Variants in CASZ1 observed in about 807,000 individuals in gnomAD.
CASZ1 encodes zinc finger protein castor homolog 1.
A neutral mutation model predicts 135.2 loss-of-function variants in CASZ1; 28 were observed. That is an observed-to-expected ratio of 0.21 (90% confidence interval 0.15 to 0.28). The LOEUF (loss-of-function observed/expected upper bound fraction) is 0.28, where lower values mean the gene tolerates loss of function less well. CASZ1 is among the 10% of genes least tolerant of loss of function. CASZ1 has a pLI of 1.00. For synonymous variants in CASZ1, 1,068 were observed against 1,073.4 expected (o/e 0.99, Z 0.10); for missense variants, 2,161 against 2,453.3 (o/e 0.88, Z 2.52).
intron 1 of CASZ1, among the ~76,000 whole-genome samples, chr1:10,791,352 A>G (rs1430976481): frequency 6.6e-6 from 1 of 152,250 alleles, no homozygotes; most frequent in East Asian, 1.9e-4. Context: ...CTAGACTGGG[A>G]AAAAGAAGGG....
At chr1:10,766,448 T>C (rs1376252474) in intron 1 of CASZ1, among the ~76,000 whole-genome samples, 1 of 152,202 alleles carries the variant, frequency 6.6e-6, no homozygotes, top group Non-Finnish European at 1.5e-5. Context: ...AATGGCTTCT[T>C]ACGTGTAACA....
At position 10,649,355 on chromosome 1, in the gene CASZ1, G is replaced by C. The variant is rs771262250; in HGVS notation, c.2963C>G (p.Pro988Arg). Residue 988 changes from proline to arginine, a missense_variant, in exon 14 of 21, where the codon CCC becomes CGC. Pro to Arg is a moderately radical substitution (Grantham distance 103). This residue lies in a region of CASZ1 where 406 missense variants were observed against 387.6 expected (regional missense o/e 1.05). Coordinates refer to ENST00000377022, the MANE Select transcript of CASZ1 (RefSeq NM_001079843.3). ...AEGSPAAEPS[P>R]FLGKAVKALV... ...CGCCTTCACGGCCTTGCCTAGGAAGGGCGAGGGCTCCGCAGCGGGGCTCCC... is the reference window on the plus strand; with the variant it reads ...CGCCTTCACGGCCTTGCCTAGGAAGCGCGAGGGCTCCGCAGCGGGGCTCCC... The C allele has an allele frequency of 6.2e-7, 1 of 1,602,832 alleles. No homozygotes were observed. Among genetic ancestry groups the C allele is most frequent in the East Asian group, 2.3e-5 (1 of 44,356 alleles).
chr1:10,638,141 C>A lies in CASZ1; in HGVS notation c.*801G>T, dbSNP rs916821540. 4 of 152,400 alleles carry A rather than the reference C, an allele frequency of 2.6e-5. No homozygotes were observed. The highest frequency in any genetic ancestry group is 2.0e-4 in the Admixed American group (3 of 15,290). The allele number at this position is 152,400 out of a possible 1,614,324, so 9.4% of individuals were successfully genotyped here. A position where few individuals can be genotyped will look rare whatever the true frequency, so the allele number is the denominator to read the frequency against. On this transcript the variant is annotated 3_prime_UTR_variant, in exon 21 of 21. Coordinates refer to ENST00000377022, the MANE Select transcript of CASZ1 (RefSeq NM_001079843.3). The surrounding 1 kb of genome is among the most constrained non-coding windows in gnomAD (Gnocchi z 5.9). ...TTTTTGTTCTATGTAGAATAATAACCTTTACAGGAAAAATACTGTACAACT... is the reference window on the plus strand; with the variant it reads ...TTTTTGTTCTATGTAGAATAATAACATTTACAGGAAAAATACTGTACAACT...
At chr1:10,793,883 C>A (rs1392785836) in intron 1 of CASZ1, among the ~76,000 whole-genome samples, 2 of 152,096 alleles carry the variant, frequency 1.3e-5, no homozygotes, top group African/African-American at 2.4e-5. Context: ...AGTGGGAAAG[C>A]GGCTGGGGGT....
intron 2 of CASZ1, among the ~76,000 whole-genome samples, chr1:10,752,822 G>A (rs1268916922): frequency 6.6e-6 from 1 of 152,222 alleles, no homozygotes; most frequent in Non-Finnish European, 1.5e-5. Context: ...GATCACCTGA[G>A]GTCAGGAGTT....
Position 10,640,077 on chromosome 1 carries a change from G to C in CASZ1, c.4163-18C>G. 1.3e-6 allele frequency: 2 copies of C among 1,595,502 alleles called. No individual in the cohort carries two copies. Among genetic ancestry groups the C allele is most frequent in the Non-Finnish European group, 8.5e-7 (1 of 1,174,668 alleles). On this transcript the variant is annotated intron_variant, in intron 20 of 20. Transcript: ENST00000377022. ...GGTGTTCCCTGGGGAGGGGCAGGGAGGTCAGTGCAGAAGAGGGACCCACGT... is the reference window on the plus strand; with the variant it reads ...GGTGTTCCCTGGGGAGGGGCAGGGACGTCAGTGCAGAAGAGGGACCCACGT...
At chr1:10,680,543 A>C (rs1447233598) in intron 4 of CASZ1, among the ~76,000 whole-genome samples, 2 of 152,170 alleles carry the variant, frequency 1.3e-5, no homozygotes, top group African/African-American at 4.8e-5. Context: ...CAGGGGGTGC[A>C]GTGTTGCACG....
In CASZ1 at chr1:10,724,442, A is replaced by AC. The variant is rs1639559289; in HGVS notation, c.-76-18899dup. Reference sequence around the variant, plus strand: ...AAAATAAGGTAACCTGAGCTATTAAACCCGGGGGCCAGGTGGTACCTACCA... The same window carrying AC: ...AAAATAAGGTAACCTGAGCTATTAAACCCCGGGGGCCAGGTGGTACCTACCA... On this transcript the variant is annotated intron_variant, in intron 2 of 20. Coordinates refer to ENST00000377022, the MANE Select transcript of CASZ1 (RefSeq NM_001079843.3). The surrounding 1 kb of genome is among the most constrained non-coding windows in gnomAD (Gnocchi z 4.1). Among the ~76,000 whole-genome samples, 1 of 152,100 alleles carries AC rather than the reference A, an allele frequency of 6.6e-6. No individual in the cohort carries two copies. Among genetic ancestry groups the AC allele is most frequent in the South Asian group, 2.1e-4 (1 of 4,824 alleles).
At chr1:10,663,908 C>G (rs895136217) in intron 5 of CASZ1, among the ~76,000 whole-genome samples, 2 of 152,186 alleles carry the variant, frequency 1.3e-5, no homozygotes, top group Non-Finnish European at 2.9e-5. Flanking sequence ...TCCCCGTCAG[C>G]TGCGGGCAGA....
chr1:10,792,477 C>T (rs1024674711), intron 1 of CASZ1, among the ~76,000 whole-genome samples: 4 of 151,578 alleles, frequency 2.6e-5, no homozygotes, highest in Non-Finnish European at 5.9e-5. Flanking sequence ...CAAGAAAATG[C>T]AACCCCTGCC....
In CASZ1 at chr1:10,693,879, C is replaced by T. The variant is rs761803400; in HGVS notation, c.11G>A (p.Gly4Glu). Reference sequence around the variant, plus strand: ...GCGTTCCCACCGGCCGGTACCTGTTCCAAGATCCATTCTCTTCTCCTTGGT... The same window carrying T: ...GCGTTCCCACCGGCCGGTACCTGTTTCAAGATCCATTCTCTTCTCCTTGGT... The part of the protein sequence containing the change: MDL[G>E]TAEGTRCTDP... The change falls in exon 4 of 21, where the codon GGA (glycine) becomes GAA (glutamate). Residue 4 changes from glycine (G) to glutamate (E), a missense_variant. This residue lies in a region of CASZ1 where 590 missense variants were observed against 609.8 expected (regional missense o/e 0.97). Transcript: ENST00000377022. 1 of 1,613,110 alleles carries T rather than the reference C, an allele frequency of 6.2e-7. No homozygotes were observed.
Position 10,694,921 on chromosome 1 carries a change from A to T in CASZ1, c.-23-1009T>A, listed in dbSNP as rs1376022814. 7.1e-6 allele frequency among the ~76,000 whole-genome samples: 1 copy of T among 141,546 alleles called. No homozygotes were observed. The highest frequency in any genetic ancestry group is 2.5e-5 in the African/African-American group (1 of 39,222). 92.9% of individuals were successfully genotyped at this position (141,546 alleles called of 152,430 possible). A position where few individuals can be genotyped will look rare whatever the true frequency, so the allele number is the denominator to read the frequency against. ...GCCGCGCGCGCGCTCGCATGCTGCC[A>T]GCGGCCGCTCGGGCCCCGCGAGCGC... On this transcript the variant is annotated intron_variant, in intron 3 of 20. Transcript: ENST00000377022. The surrounding 1 kb of genome is among the most constrained non-coding windows in gnomAD (Gnocchi z 6.6).
intron 19 of CASZ1, 56 bp from the exon 20 acceptor site, chr1:10,643,056 G>GCCC (rs1642257890): frequency 2.5e-6 from 4 of 1,598,020 alleles, no homozygotes. Context: ...GCTGCCCACA[G>GCCC]AGGGCAGGCT....
At chr1:10,742,920 G>A (rs35672496) in intron 2 of CASZ1, among the ~76,000 whole-genome samples, 28,649 of 151,950 alleles carry the variant, frequency 0.19, 3,430 homozygotes, top group East Asian at 0.53. Context: ...GGGAGGCAGA[G>A]GTTGCAGTGA....
intron 2 of CASZ1, among the ~76,000 whole-genome samples, chr1:10,737,222 C>T (rs1369585161): frequency 2.6e-5 from 4 of 152,242 alleles, no homozygotes; most frequent in Non-Finnish European, 5.9e-5. Context: ...AACCTGCTGG[C>T]TGGGCACCTT....
rs930310995 is a variant in CASZ1 at position 10,643,100 on chromosome 1, G to A, written c.4020+60C>T. 44 of 1,597,278 alleles carry A rather than the reference G, an allele frequency of 2.8e-5. No individual in the cohort carries two copies. In the East Asian group the frequency reaches 3.1e-4, roughly 11 times the overall value. On this transcript the variant is annotated intron_variant, in intron 19 of 20. Transcript: ENST00000377022. ...ATGCAGCACAGGCCTGAGAGTGAGC[G>A]TGGGACCATGATGCGTTCCCGCCAC... is the stretch of plus-strand genomic sequence containing the variant.
At chr1:10,715,396 G>T (rs186729996) in intron 2 of CASZ1, among the ~76,000 whole-genome samples, 5 of 152,124 alleles carry the variant, frequency 3.3e-5, no homozygotes, top group Non-Finnish European at 7.4e-5. Flanking sequence ...GGCTCTGTTG[G>T]ATCGTGCCAT....
rs953384577 is a variant in CASZ1 at position 10,697,995 on chromosome 1, C to T, written c.-23-4083G>A. ...GAGGGAGGGCAGAGCCAAGGCACCA[C>T]GGCATGGCCACGGGCACGGGAGGTC... On this transcript the variant is annotated intron_variant, in intron 3 of 20. Coordinates refer to ENST00000377022, the MANE Select transcript of CASZ1 (RefSeq NM_001079843.3). This position sits in a 1 kb window ranked among gnomAD's most constrained non-coding sequence, Gnocchi z 4.7. Among the ~76,000 whole-genome samples, 8 of 152,238 alleles carry T rather than the reference C, an allele frequency of 5.3e-5. No individual in the cohort carries two copies. Among genetic ancestry groups the T allele is most frequent in the Non-Finnish European group, 7.3e-5 (5 of 68,056 alleles).
At chr1:10,695,857 G>A (rs1263428860) in intron 3 of CASZ1, among the ~76,000 whole-genome samples, 1 of 152,100 alleles carries the variant, frequency 6.6e-6, no homozygotes, top group African/African-American at 2.4e-5. Flanking sequence ...AAGAGACGGT[G>A]GGGTGAGCAG....
Sources: allele counts gnomAD v4.1 joint callset (sites outside exome capture counted in the v4.1 genomes callset), GRCh38; gene constraint gnomAD v4.1.1; regional missense constraint gnomAD v4.1.1; non-coding constraint Gnocchi (gnomAD v3.1); transcripts MANE v1.5; gene names NCBI Gene and HGNC (gene_info 2026-07-23, HGNC 2026-07-21).